Variants in ROBO2 observed in about 807,000 individuals in gnomAD.
The protein encoded by ROBO2 is roundabout homolog 2.
Under a neutral mutation model 160.8 loss-of-function variants are expected in ROBO2, and 53 were observed. That is an observed-to-expected ratio of 0.33 (90% confidence interval 0.26 to 0.41). The LOEUF is 0.41. Ranked by LOEUF, ROBO2 falls within the 10% of genes least tolerant of loss-of-function variation. The probability of loss-of-function intolerance (pLI) is 1.00; values close to 1 mark genes in which losing one functional copy is unlikely to be tolerated. For synonymous variants in ROBO2, 664 were observed against 611.7 expected (o/e 1.09, Z -1.26); for missense variants, 1,577 against 1,722.4 (o/e 0.92, Z 1.49).
chr3:76,254,205 A>T (rs768609600), intron 2 of ROBO2, among the ~76,000 whole-genome samples: 4 of 152,074 alleles, frequency 2.6e-5, no homozygotes, highest in Non-Finnish European at 5.9e-5. Flanking sequence ...AGACACTTTG[A>T]TTTAGTATTT....
At chr3:76,495,121 A>G (rs1458213497) in intron 2 of ROBO2, among the ~76,000 whole-genome samples, 2 of 152,264 alleles carry the variant, frequency 1.3e-5, no homozygotes, top group Admixed American at 6.5e-5. Context: ...ATTTGTAAAT[A>G]GATGAAGACA....
chr3:77,289,314 G>T (rs913717005), intron 2 of ROBO2, among the ~76,000 whole-genome samples: 16 of 152,160 alleles, frequency 1.1e-4, no homozygotes, highest in Admixed American at 7.9e-4. Flanking sequence ...GGTAAGCTGA[G>T]GCTAGAGCAC....
In ROBO2 at chr3:76,737,270, A is replaced by G. The variant is rs2324661; in HGVS notation, c.110-360744A>G. 4.5e-3 allele frequency among the ~76,000 whole-genome samples: 687 copies of G among 151,888 alleles called. 5 individuals are homozygous for G. The highest frequency in any genetic ancestry group is 0.016 in the African/African-American group (657 of 41,446). Reference sequence around the variant, plus strand: ...GAAAGAGACTTCTGTTATTTTTATCATCTAGAATAGGGTTTATTACATTGG... The same window carrying G: ...GAAAGAGACTTCTGTTATTTTTATCGTCTAGAATAGGGTTTATTACATTGG... On this transcript the variant is annotated intron_variant, in intron 2 of 26. Transcript: ENST00000487694.
At chr3:77,195,561 A>G (rs1038377869) in intron 2 of ROBO2, among the ~76,000 whole-genome samples, 12 of 152,234 alleles carry the variant, frequency 7.9e-5, no homozygotes, top group Non-Finnish European at 1.5e-4. Flanking sequence ...TTGGACATTT[A>G]AAGTTCCTGG....
intron 2 of ROBO2, among the ~76,000 whole-genome samples, chr3:76,331,235 G>A (rs954278880): frequency 6.6e-6 from 1 of 151,998 alleles, no homozygotes; most frequent in Non-Finnish European, 1.5e-5. Context: ...ACAAACAATT[G>A]TATATTTTTA....
chr3:76,508,609 A>C (rs1230156083), intron 2 of ROBO2, among the ~76,000 whole-genome samples: 1 of 152,196 alleles, frequency 6.6e-6, no homozygotes, highest in African/African-American at 2.4e-5. Context: ...TATTTATTTT[A>C]GTACAAATGT....
intron 2 of ROBO2, among the ~76,000 whole-genome samples, chr3:76,650,358 C>T (rs1396719837): frequency 6.6e-6 from 1 of 152,134 alleles, no homozygotes; most frequent in Non-Finnish European, 1.5e-5. Context: ...CCTTTCCCTT[C>T]CCTTTTCTCA....
At chr3:77,059,203 A>G (rs1172497402) in intron 1 of ROBO2, among the ~76,000 whole-genome samples, 2 of 152,166 alleles carry the variant, frequency 1.3e-5, no homozygotes, top group African/African-American at 4.8e-5. Context: ...GATCTGAGAA[A>G]AGAATTCTAG....
At chr3:76,686,888 G>A (rs2092697830) in intron 2 of ROBO2, among the ~76,000 whole-genome samples, 1 of 151,996 alleles carries the variant, frequency 6.6e-6, no homozygotes. Flanking sequence ...ACCCATTTCT[G>A]TTTTGCCCAT....
chr3:76,454,787 A>G (rs2077666208), intron 2 of ROBO2, among the ~76,000 whole-genome samples: 1 of 152,168 alleles, frequency 6.6e-6, no homozygotes, highest in Admixed American at 6.6e-5. Flanking sequence ...ATTTAGGAAT[A>G]TCCATAGAAT....
chr3:77,333,173 C>T (rs572175674), intron 2 of ROBO2, among the ~76,000 whole-genome samples: 23 of 152,270 alleles, frequency 1.5e-4, no homozygotes, highest in African/African-American at 5.1e-4. Context: ...TTAGTTGAAG[C>T]TTGGTTATAT....
intron 2 of ROBO2, among the ~76,000 whole-genome samples, chr3:77,239,221 C>A (rs1025534711): frequency 6.6e-6 from 1 of 152,104 alleles, no homozygotes; most frequent in Non-Finnish European, 1.5e-5. Flanking sequence ...GGAGTTTCTT[C>A]CTTCTGTTGG....
intron 2 of ROBO2, among the ~76,000 whole-genome samples, chr3:76,654,627 A>ACTTTCAAG (rs2091409363): frequency 6.6e-6 from 1 of 152,042 alleles, no homozygotes; most frequent in Admixed American, 6.6e-5. Flanking sequence ...GGTAATAGGG[A>ACTTTCAAG]CTTTCAAGGG....
intron 2 of ROBO2, among the ~76,000 whole-genome samples, chr3:76,457,769 A>G (rs143706744): frequency 1.5e-3 from 224 of 152,256 alleles, no homozygotes; most frequent in African/African-American, 4.8e-3. Flanking sequence ...CCAAGCCTCA[A>G]TTGTTGACTT....
At chr3:75,911,746 C>T (rs1222348507) in intron 1 of ROBO2, among the ~76,000 whole-genome samples, 4 of 151,320 alleles carry the variant, frequency 2.6e-5, no homozygotes, top group Admixed American at 6.6e-5. Flanking sequence ...TTAGTAGAGA[C>T]GGGGTTTCAC....
At chr3:76,728,272 G>A (rs1442615220) in intron 2 of ROBO2, among the ~76,000 whole-genome samples, 1 of 152,128 alleles carries the variant, frequency 6.6e-6, no homozygotes, top group Non-Finnish European at 1.5e-5. Context: ...ATTGGGTTGT[G>A]TTGTTACACC....
chr3:77,082,724 A>C (rs1417146899), intron 1 of ROBO2, among the ~76,000 whole-genome samples: 1 of 151,822 alleles, frequency 6.6e-6, no homozygotes, highest in Non-Finnish European at 1.5e-5. Context: ...ATATATACAC[A>C]CACAATAGTG....
intron 2 of ROBO2, among the ~76,000 whole-genome samples, chr3:76,943,208 T>C (rs2078304625): frequency 6.6e-6 from 1 of 152,182 alleles, no homozygotes; most frequent in South Asian, 2.1e-4. Flanking sequence ...GTATCATTGC[T>C]TGTTGAAAGA....
intron 2 of ROBO2, among the ~76,000 whole-genome samples, chr3:76,473,091 G>A (rs1325444600): frequency 2.0e-5 from 3 of 152,120 alleles, no homozygotes; most frequent in Non-Finnish European, 4.4e-5. Flanking sequence ...AATGCAATTT[G>A]TTCTAAAGGA....
Sources: allele counts gnomAD v4.1 joint callset (sites outside exome capture counted in the v4.1 genomes callset), GRCh38; gene constraint gnomAD v4.1.1; transcripts MANE v1.5; gene names NCBI Gene and HGNC (gene_info 2026-07-23, HGNC 2026-07-21).